MANBA: variants seen among roughly 807,000 people sequenced by gnomAD.
MANBA encodes beta-mannosidase.
In MANBA, 83 loss-of-function variants were observed where a neutral mutation model predicts 111.1. That is an observed-to-expected ratio of 0.75 (90% CI 0.63 to 0.90). The LOEUF (loss-of-function observed/expected upper bound fraction) is 0.90. Ranked by LOEUF, MANBA falls within the 40% of genes least tolerant of loss-of-function variation. The probability of loss-of-function intolerance (pLI) is 0.00; values close to 1 mark genes in which losing one functional copy is unlikely to be tolerated. For synonymous variants in MANBA, 370 were observed against 378.7 expected (o/e 0.98, Z 0.27); for missense variants, 1,036 against 1,069.0 (o/e 0.97, Z 0.43).
chr4:102,738,600 A>G (rs1723299178), intron 1 of MANBA, among the ~76,000 whole-genome samples: 1 of 152,250 alleles, frequency 6.6e-6, no homozygotes. Flanking sequence ...CAATCTAAAC[A>G]GTAACCCTTG....
chr4:102,753,148 AC>A (rs527502863), intron 1 of MANBA, among the ~76,000 whole-genome samples: 47 of 152,278 alleles, frequency 3.1e-4, no homozygotes, highest in African/African-American at 1.1e-3. Context: ...ATATTTACAG[AC>A]ACAGACAAAT....
At chr4:102,711,714 C>T (rs112254598) in intron 5 of MANBA, among the ~76,000 whole-genome samples, 2,030 of 152,218 alleles carry the variant, frequency 0.013, 42 homozygotes, top group African/African-American at 0.044. Context: ...CCTAAGTGTC[C>T]ATCAACAGAT....
At chr4:102,748,789 T>C (rs1723678055) in intron 1 of MANBA, among the ~76,000 whole-genome samples, 1 of 152,074 alleles carries the variant, frequency 6.6e-6, no homozygotes, top group South Asian at 2.1e-4. Flanking sequence ...GGCAGGCGCC[T>C]GTAATCCCGG....
intron 7 of MANBA, among the ~76,000 whole-genome samples, chr4:102,678,210 A>G (rs1418672096): frequency 6.6e-6 from 1 of 152,206 alleles, no homozygotes; most frequent in Non-Finnish European, 1.5e-5. Flanking sequence ...TCTTGCAATA[A>G]CAAGTTATGA....
intron 10 of MANBA, 26 bp from the exon 11 acceptor site, chr4:102,664,878 AT>A: frequency 6.5e-7 from 1 of 1,536,132 alleles, no homozygotes; most frequent in Non-Finnish European, 9.0e-7. Flanking sequence ...ACATAAAATG[AT>A]TTTCAAAGAG....
intron 5 of MANBA, among the ~76,000 whole-genome samples, chr4:102,713,756 C>T (rs1349895414): frequency 1.3e-5 from 2 of 151,878 alleles, no homozygotes; most frequent in African/African-American, 2.4e-5. Context: ...ATTAGCTGGG[C>T]GTGGTGGCAC....
chr4:102,659,079 A>G (rs1730798625), intron 11 of MANBA: 1 of 152,232 alleles, frequency 6.6e-6, no homozygotes, highest in African/African-American at 2.4e-5. Context: ...AGAAAGAGAG[A>G]GAATCTATGA....
rs779421094 is a variant in MANBA, at chr4:102,690,689, G to A, written c.756C>T (p.Ile252=). The A allele has an allele frequency of 3.7e-6, 6 of 1,610,028 alleles. No homozygotes were observed. The highest frequency in any genetic ancestry group is 2.7e-5 in the African/African-American group (2 of 74,738). ...GTGTTTGCAACTTAGGGATGGCTAC[G>A]ATCACTTGACCACCAACTGGCTTTG... ...VSSKPVGGQV[I]VAIPKLQTQQ... The change falls in exon 6 of 17, where the codon ATC becomes ATT. Residue 252 remains isoleucine, a synonymous_variant. Transcript: ENST00000647097.
At chr4:102,664,179 G>A (rs1731096827) in intron 11 of MANBA, among the ~76,000 whole-genome samples, 1 of 152,168 alleles carries the variant, frequency 6.6e-6, no homozygotes, top group Admixed American at 6.5e-5. Context: ...TGTGTGGAGA[G>A]CTGCACAGAG....
chr4:102,704,298 C>T (rs903628005), intron 5 of MANBA, among the ~76,000 whole-genome samples: 7 of 152,228 alleles, frequency 4.6e-5, no homozygotes, highest in South Asian at 2.1e-4. Flanking sequence ...CCCACCTCAG[C>T]CTCCGAATAC....
intron 5 of MANBA, among the ~76,000 whole-genome samples, chr4:102,713,418 A>G (rs1388198760): frequency 6.6e-6 from 1 of 152,180 alleles, no homozygotes. Context: ...CTCCCCACAC[A>G]TGAAGGGATC....
Position 102,696,953 on chromosome 4 carries a change from C to T in MANBA, c.674-6182G>A, listed in dbSNP as rs1020481140. 1.4e-4 allele frequency among the ~76,000 whole-genome samples: 21 copies of T among 152,266 alleles called. No individual in the cohort carries two copies. The East Asian group carries it at 2.7e-3, about 20-fold the overall frequency. The stretch of plus-strand genomic sequence containing the variant: ...CTGCTTTTCAAAGAGCTAACCATTG[C>T]GTTAGCCAAAAATGTTGGCCCACAG... On this transcript the variant is annotated intron_variant, in intron 5 of 16. Transcript: ENST00000647097.
At chr4:102,637,660 C>T (rs1729689889) in intron 14 of MANBA, among the ~76,000 whole-genome samples, 1 of 152,176 alleles carries the variant, frequency 6.6e-6, no homozygotes, top group South Asian at 2.1e-4. Flanking sequence ...CATCTACATG[C>T]CTGGAGGGTG....
intron 1 of MANBA, among the ~76,000 whole-genome samples, chr4:102,754,254 C>T (rs1048962279): frequency 2.0e-5 from 3 of 152,044 alleles, no homozygotes; most frequent in African/African-American, 7.2e-5. Flanking sequence ...AACTTAGAAG[C>T]ACGTACTAAA....
intron 7 of MANBA, among the ~76,000 whole-genome samples, chr4:102,684,426 T>A (rs1306315769): frequency 6.6e-6 from 1 of 152,100 alleles, no homozygotes; most frequent in Non-Finnish European, 1.5e-5. Flanking sequence ...AACTCATGCA[T>A]CCTCCATAAT....
intron 5 of MANBA, among the ~76,000 whole-genome samples, chr4:102,713,519 A>C (rs886643795): frequency 3.9e-5 from 6 of 152,338 alleles, no homozygotes; most frequent in African/African-American, 1.4e-4. Flanking sequence ...TTATCCACTG[A>C]CATCTGTGAG....
In MANBA at chr4:102,674,053, C is replaced by T; in HGVS notation, c.978G>A (p.Val326=). ...CTTTTATAGGCTCTTCTATAAGTTC[C>T]ACTGTCCTAAAATAAACCTGCAATG... ...EKSAKVYFRT[V]ELIEEPIKGS... Residue 326 remains valine (V), a synonymous_variant, in exon 8 of 17, where the codon GTG becomes GTA. Transcript: ENST00000647097. 1 of 1,599,826 alleles carries T rather than the reference C, an allele frequency of 6.3e-7. No homozygotes were observed. The highest frequency in any genetic ancestry group is 8.6e-7 in the Non-Finnish European group (1 of 1,167,118).
At chr4:102,728,760 C>T (rs1412407114) in intron 1 of MANBA, 5 of 891,018 alleles carry the variant, frequency 5.6e-6, no homozygotes, top group South Asian at 3.0e-5. Flanking sequence ...TTGGGCAGGA[C>T]GTCAGAGGAC....
At chr4:102,693,910 C>G (rs1257547092) in intron 5 of MANBA, among the ~76,000 whole-genome samples, 2 of 152,106 alleles carry the variant, frequency 1.3e-5, no homozygotes, top group African/African-American at 4.8e-5. Context: ...GTAAAGACTC[C>G]CTTTACACTG....
Sources: allele counts gnomAD v4.1 joint callset (sites outside exome capture counted in the v4.1 genomes callset), GRCh38; gene constraint gnomAD v4.1.1; transcripts MANE v1.5; gene names NCBI Gene and HGNC (gene_info 2026-07-23, HGNC 2026-07-21).